Variants in KPNA1 observed in about 807,000 individuals in gnomAD.
KPNA1 encodes the protein karyopherin subunit alpha 1.
A neutral mutation model predicts 70.5 loss-of-function variants in KPNA1; 10 were observed. The ratio of observed to expected loss-of-function variants is 0.14; its 90% CI spans 0.09 to 0.24. KPNA1 has a LOEUF of 0.24. Among genes scored for constraint, KPNA1 ranks in the 10% least tolerant of loss-of-function variants. The pLI is 1.00. For synonymous variants in KPNA1, 192 were observed against 221.9 expected (o/e 0.87, Z 1.20); for missense variants, 397 against 637.9 (o/e 0.62, Z 4.07).
At position 122,468,128 on chromosome 3, in the gene KPNA1, G is replaced by A. The variant is rs181890019; in HGVS notation, c.130-699C>T. Reference sequence around the variant, plus strand: ...ACAAAATACATAAAATAATGTTTCAGCCATTGGACAATAAAAACCACAGAG... The same window carrying A: ...ACAAAATACATAAAATAATGTTTCAACCATTGGACAATAAAAACCACAGAG... On this transcript the variant is annotated intron_variant, in intron 2 of 13. Coordinates refer to ENST00000344337, the MANE Select transcript of KPNA1 (RefSeq NM_002264.4). Among the ~76,000 whole-genome samples the A allele has an allele frequency of 2.0e-5, 3 of 152,226 alleles. No individual in the cohort carries two copies. The East Asian group carries it at 5.8e-4, about 29-fold the overall frequency.
intron 13 of KPNA1, 54 bp downstream of exon 13, chr3:122,427,480 CTCTA>C (rs2075837828): frequency 6.0e-6 from 9 of 1,509,202 alleles, no homozygotes; most frequent in Admixed American, 1.9e-5. Flanking sequence ...TTTTACTGAA[CTCTA>C]TCTATGACCC....
chr3:122,499,380 T>C (rs562829953), intron 1 of KPNA1, among the ~76,000 whole-genome samples: 43 of 152,330 alleles, frequency 2.8e-4, no homozygotes, highest in African/African-American at 1.0e-3. Flanking sequence ...GACTGTTTTA[T>C]AATTAAAGAG....
intron 2 of KPNA1, among the ~76,000 whole-genome samples, chr3:122,473,739 G>A (rs915685525): frequency 1.1e-4 from 17 of 152,056 alleles, no homozygotes; most frequent in African/African-American, 3.9e-4. Context: ...AAAACCTACA[G>A]CTAACATCAT....
chr3:122,491,544 C>A (rs1231219697), intron 2 of KPNA1, among the ~76,000 whole-genome samples: 1 of 152,124 alleles, frequency 6.6e-6, no homozygotes, highest in Non-Finnish European at 1.5e-5. Flanking sequence ...AAAAGAAGCA[C>A]AAACACTGGT....
chr3:122,510,907 G>C (rs2076948116), intron 1 of KPNA1, among the ~76,000 whole-genome samples: 1 of 152,062 alleles, frequency 6.6e-6, no homozygotes, highest in South Asian at 2.1e-4. Flanking sequence ...GGTTATATTA[G>C]ATCTTCAGTA....
intron 10 of KPNA1, 126 bp from the exon 11 acceptor site, chr3:122,437,421 A>G (rs1304921995): frequency 1.5e-6 from 1 of 646,172 alleles, no homozygotes; most frequent in African/African-American, 1.8e-5. Context: ...GTAACTTTAT[A>G]CAGGTAAAAA....
At chr3:122,483,864 T>G (rs1187953457) in intron 2 of KPNA1, among the ~76,000 whole-genome samples, 1 of 152,238 alleles carries the variant, frequency 6.6e-6, no homozygotes, top group Non-Finnish European at 1.5e-5. Context: ...GATGAGGGAT[T>G]AGTTTTTATA....
intron 1 of KPNA1, among the ~76,000 whole-genome samples, chr3:122,499,973 T>C (rs143882509): frequency 1.4e-3 from 215 of 152,362 alleles, no homozygotes; most frequent in African/African-American, 4.9e-3. Flanking sequence ...GTTCTGTGAC[T>C]ACTATTTCAG....
intron 5 of KPNA1, 27 bp from the exon 6 acceptor site, chr3:122,454,028 A>C: frequency 6.8e-7 from 1 of 1,480,002 alleles, no homozygotes; most frequent in Non-Finnish European, 9.2e-7. Context: ...AATTTTCATT[A>C]TCTTTTTAGA....
chr3:122,452,959 T>C (rs2076227921), intron 6 of KPNA1, among the ~76,000 whole-genome samples: 1 of 152,228 alleles, frequency 6.6e-6, no homozygotes, highest in Non-Finnish European at 1.5e-5. Flanking sequence ...CCACTTTCTT[T>C]TTTTTTGAGA....
intron 1 of KPNA1, among the ~76,000 whole-genome samples, chr3:122,510,485 A>G (rs1466029898): frequency 6.6e-6 from 1 of 152,216 alleles, no homozygotes; most frequent in Non-Finnish European, 1.5e-5. Flanking sequence ...AGAAGAAATG[A>G]TATCACAGTA....
intron 2 of KPNA1, among the ~76,000 whole-genome samples, chr3:122,474,747 G>A (rs2076479266): frequency 6.6e-6 from 1 of 152,116 alleles, no homozygotes; most frequent in South Asian, 2.1e-4. Context: ...TTAACAGAAT[G>A]AAGGACAAAA....
At chr3:122,462,884 T>C (rs1247555611) in intron 4 of KPNA1, among the ~76,000 whole-genome samples, 1 of 152,174 alleles carries the variant, frequency 6.6e-6, no homozygotes, top group Non-Finnish European at 1.5e-5. Flanking sequence ...CTTGCCCAGG[T>C]TGATAACAAG....
At chr3:122,492,316 G>C (rs973493753) in intron 2 of KPNA1, among the ~76,000 whole-genome samples, 1 of 152,076 alleles carries the variant, frequency 6.6e-6, no homozygotes, top group African/African-American at 2.4e-5. Context: ...GAAGATCTTG[G>C]TTCTACTTAT....
intron 9 of KPNA1, among the ~76,000 whole-genome samples, chr3:122,444,484 G>C (rs765863373): frequency 2.0e-5 from 3 of 152,176 alleles, no homozygotes; most frequent in Non-Finnish European, 4.4e-5. Context: ...GTAGACACGC[G>C]TAAGAAATTA....
intron 9 of KPNA1, among the ~76,000 whole-genome samples, chr3:122,446,504 C>A (rs1164616096): frequency 6.6e-6 from 1 of 152,228 alleles, no homozygotes; most frequent in Non-Finnish European, 1.5e-5. Context: ...ACCAGAATCT[C>A]TGGGACACAT....
chr3:122,443,587 G>A (rs892949790), intron 9 of KPNA1, among the ~76,000 whole-genome samples: 1 of 152,146 alleles, frequency 6.6e-6, no homozygotes, highest in Non-Finnish European at 1.5e-5. Context: ...TTTTCTCTAA[G>A]TGTTGGCCAG....
intron 2 of KPNA1, among the ~76,000 whole-genome samples, chr3:122,493,549 A>G (rs1282925994): frequency 6.6e-6 from 1 of 152,216 alleles, no homozygotes; most frequent in Non-Finnish European, 1.5e-5. Context: ...ATTGAGCTGT[A>G]ACGGAAAGCT....
chr3:122,477,270 C>T (rs10934600), intron 2 of KPNA1, among the ~76,000 whole-genome samples: 57,096 of 151,928 alleles, frequency 0.38, 11,162 homozygotes, highest in East Asian at 0.54. Flanking sequence ...GTGTGGAGGG[C>T]TGGGGACAGG....
Sources: allele counts gnomAD v4.1 joint callset (sites outside exome capture counted in the v4.1 genomes callset), GRCh38; gene constraint gnomAD v4.1.1; transcripts MANE v1.5; gene names NCBI Gene and HGNC (gene_info 2026-07-23, HGNC 2026-07-21).